HECW1: variants seen among roughly 807,000 people sequenced by gnomAD.
HECW1 encodes HECT, C2 and WW domain containing E3 ubiquitin protein ligase 1.
Under a neutral mutation model 182.3 loss-of-function variants are expected in HECW1, and 61 were observed. The observed-to-expected ratio is 0.33, with a 90% confidence interval of 0.27 to 0.41. HECW1 has a LOEUF of 0.41. HECW1 is among the 10% of genes least tolerant of loss of function. The probability of loss-of-function intolerance (pLI) is 1.00; values close to 1 mark genes in which losing one functional copy is unlikely to be tolerated. For synonymous variants in HECW1, 859 were observed against 832.6 expected (o/e 1.03, Z -0.55); for missense variants, 1,739 against 2,108.9 (o/e 0.82, Z 3.44).
chr7:43,507,902 T>A, intron 22 of HECW1, 116 bp from the exon 23 acceptor site: 4 of 659,432 alleles, frequency 6.1e-6, no homozygotes, highest in South Asian at 5.8e-5. Context: ...TGCTCTTTCC[T>A]CTCTCTTTGG....
At chr7:43,368,571 C>T (rs1234166136) in intron 6 of HECW1, among the ~76,000 whole-genome samples, 1 of 152,204 alleles carries the variant, frequency 6.6e-6, no homozygotes, top group Admixed American at 6.5e-5. Flanking sequence ...GGCATCCTCT[C>T]TCTAGATAAT....
chr7:43,527,383 C>G (rs896295514), intron 24 of HECW1, among the ~76,000 whole-genome samples: 2 of 151,866 alleles, frequency 1.3e-5, no homozygotes, highest in Admixed American at 6.6e-5. Context: ...AGGGGAGACC[C>G]TTTTTTTACC....
intron 8 of HECW1, among the ~76,000 whole-genome samples, chr7:43,410,433 G>T (rs2075763476): frequency 6.6e-6 from 1 of 152,090 alleles, no homozygotes; most frequent in Non-Finnish European, 1.5e-5. Flanking sequence ...ACCTCCAAAG[G>T]CCCGGCCTCT....
intron 2 of HECW1, among the ~76,000 whole-genome samples, chr7:43,167,168 C>A (rs1791217838): frequency 6.6e-6 from 1 of 152,160 alleles, no homozygotes; most frequent in South Asian, 2.1e-4. Context: ...GGGCCATGCT[C>A]CCTTCAAAGG....
At chr7:43,259,299 A>G (rs1373462375) in intron 3 of HECW1, among the ~76,000 whole-genome samples, 1 of 152,116 alleles carries the variant, frequency 6.6e-6, no homozygotes, top group Non-Finnish European at 1.5e-5. Flanking sequence ...AGGCAGGAGA[A>G]TCACTTGAAC....
intron 24 of HECW1, among the ~76,000 whole-genome samples, chr7:43,525,863 G>A (rs934805365): frequency 6.6e-6 from 1 of 152,128 alleles, no homozygotes; most frequent in African/African-American, 2.4e-5. Flanking sequence ...GAGAGGGGAG[G>A]CTTCCTACTT....
intron 2 of HECW1, among the ~76,000 whole-genome samples, chr7:43,231,085 G>T (rs1453870281): frequency 6.6e-6 from 1 of 152,150 alleles, no homozygotes; most frequent in East Asian, 1.9e-4. Context: ...AAAATCTGTT[G>T]ACAGCACTAT....
intron 5 of HECW1, among the ~76,000 whole-genome samples, chr7:43,323,564 C>T (rs909021979): frequency 2.6e-5 from 4 of 152,160 alleles, no homozygotes; most frequent in African/African-American, 9.7e-5. Context: ...CTAGCCTGGC[C>T]ACTGAACTCC....
intron 3 of HECW1, among the ~76,000 whole-genome samples, chr7:43,309,996 C>T (rs553806639): frequency 9.4e-4 from 143 of 152,250 alleles, no homozygotes; most frequent in Non-Finnish European, 1.3e-3. Flanking sequence ...AGGAGGAAAC[C>T]GAGGTCCAGA....
intron 2 of HECW1, among the ~76,000 whole-genome samples, chr7:43,172,745 T>A (rs1007992685): frequency 1.3e-5 from 2 of 152,228 alleles, no homozygotes; most frequent in African/African-American, 2.4e-5. Context: ...TCTGCCCTCA[T>A]TATAAGAGGC....
intron 2 of HECW1, among the ~76,000 whole-genome samples, chr7:43,192,510 TAC>T (rs1313685343): frequency 5.1e-4 from 63 of 122,490 alleles, no homozygotes; most frequent in African/African-American, 1.7e-3. Context: ...AATGACTAAA[TAC>T]GTAAAGATAA....
At chr7:43,554,878 G>C in intron 29 of HECW1, 88 bp downstream of exon 29, 1 of 1,221,250 alleles carries the variant, frequency 8.2e-7, no homozygotes, top group Non-Finnish European at 1.2e-6. Flanking sequence ...CATCCTTTGG[G>C]ATGGAATTCT....
intron 6 of HECW1, among the ~76,000 whole-genome samples, chr7:43,390,208 G>A (rs2074967877): frequency 6.6e-6 from 1 of 152,120 alleles, no homozygotes; most frequent in Non-Finnish European, 1.5e-5. Flanking sequence ...AGCAGGAGCT[G>A]TGCAGACTGG....
intron 8 of HECW1, among the ~76,000 whole-genome samples, chr7:43,436,436 G>C (rs1056423150): frequency 1.3e-5 from 2 of 152,116 alleles, no homozygotes; most frequent in Non-Finnish European, 2.9e-5. Context: ...TAATCACCTG[G>C]GCGCAGGCAG....
chr7:43,187,170 G>T (rs989563227), intron 2 of HECW1, among the ~76,000 whole-genome samples: 1 of 152,210 alleles, frequency 6.6e-6, no homozygotes, highest in African/African-American at 2.4e-5. Flanking sequence ...CCATAGGGCT[G>T]CTCAGTTGCC....
chr7:43,442,738 G>A (rs764007682), intron 10 of HECW1, 109 bp downstream of exon 10: 22 of 776,690 alleles, frequency 2.8e-5, no homozygotes, highest in Non-Finnish European at 4.6e-5. Context: ...CCTAGGTTTT[G>A]TGGTTATCTT....
chr7:43,510,584 C>T (rs186840021), intron 24 of HECW1, among the ~76,000 whole-genome samples: 41 of 152,312 alleles, frequency 2.7e-4, no homozygotes, highest in Admixed American at 1.8e-3. Context: ...TAAATGCTCA[C>T]TTATACGCAC....
chr7:43,189,026 C>T (rs146254081), intron 2 of HECW1, among the ~76,000 whole-genome samples: 18 of 152,290 alleles, frequency 1.2e-4, no homozygotes, highest in African/African-American at 3.1e-4. Context: ...GAGGCGCACT[C>T]GGCTAATCTT....
At chr7:43,186,152 G>A (rs1793375911) in intron 2 of HECW1, among the ~76,000 whole-genome samples, 1 of 152,164 alleles carries the variant, frequency 6.6e-6, no homozygotes, top group African/African-American at 2.4e-5. Context: ...TCTTAAACAG[G>A]AGGATTCCAT....
Sources: gnomAD v4.1 joint callset for allele counts (sites outside exome capture counted in the v4.1 genomes callset) on GRCh38, gnomAD v4.1.1 for gene constraint, MANE v1.5 for transcripts, NCBI Gene and HGNC (gene_info 2026-07-23, HGNC 2026-07-21) for gene names.